SLC66A1: variants seen among roughly 807,000 people sequenced by gnomAD.
SLC66A1 encodes solute carrier family 66 member 1.
In SLC66A1, 23 loss-of-function variants were observed where a neutral mutation model predicts 33.0. The ratio of observed to expected loss-of-function variants is 0.70; its 90% CI spans 0.50 to 0.99. The LOEUF (loss-of-function observed/expected upper bound fraction) is 0.99, where lower values mean the gene tolerates loss of function less well. Among genes scored for constraint, SLC66A1 ranks in the 50% least tolerant of loss-of-function variants. The pLI is 0.00. For missense variants in SLC66A1, 335 were observed against 383.6 expected (o/e 0.87, Z 1.06); for synonymous variants, 164 against 175.5 (o/e 0.93, Z 0.52).
chr1:19,313,357 C>G (rs2093787749), intron 1 of SLC66A1, among the ~76,000 whole-genome samples: 1 of 152,178 alleles, frequency 6.6e-6, no homozygotes, highest in Non-Finnish European at 1.5e-5. Flanking sequence ...TTCACTCTGT[C>G]CTTCTCTCTA....
At position 19,325,643 on chromosome 1, in the gene SLC66A1, G is replaced by A. The variant is rs1000265913; in HGVS notation, c.382+61G>A. On this transcript the variant is annotated intron_variant, in intron 4 of 7. Coordinates refer to ENST00000375153, the MANE Select transcript of SLC66A1 (RefSeq NM_001040125.2). ...CCAGCAGCAGGGGGCAGTTGTGGGG[G>A]GGGGCGCCTGGAGTGTGGGAGGAAG... The A allele has an allele frequency of 5.5e-5, 71 of 1,296,226 alleles. 1 individual carries two copies. The highest frequency in any genetic ancestry group is 7.3e-5 in the Non-Finnish European group (67 of 915,374). The allele number at this position is 1,296,226 out of a possible 1,614,324, so 80.3% of individuals were successfully genotyped here. A position where few individuals can be genotyped will look rare whatever the true frequency, so the allele number is the denominator to read the frequency against.
chr1:19,313,115 T>C, intron 1 of SLC66A1: 1 of 804,688 alleles, frequency 1.2e-6, no homozygotes, highest in Non-Finnish European at 1.5e-6. Flanking sequence ...CATTTAACTC[T>C]GCAGTCAGCC....
chr1:19,326,594 C>A lies in SLC66A1; in HGVS notation c.589C>A (p.Leu197Ile). The A allele has an allele frequency of 2.5e-6, 4 of 1,614,240 alleles. No homozygotes were observed. The South Asian group carries it at 4.4e-5, about 18-fold the overall frequency. ...CTCCATCTCCAGCGTGTTGTACCTG[C>A]TTTCCCGGCTGCCTCAGATCCGCAC... ...IGSISSVLYL[L>I]SRLPQIRTNF... is the part of the protein sequence containing the mutation. The change falls in exon 6 of 8, where the codon CTT becomes ATT. Residue 197 changes from leucine to isoleucine, a missense_variant. By Grantham distance (5) the Leu-to-Ile change is conservative. Coordinates refer to ENST00000375153, the MANE Select transcript of SLC66A1 (RefSeq NM_001040125.2).
Position 19,312,444 on chromosome 1 carries a change from C to T in SLC66A1, c.-524C>T, listed in dbSNP as rs1011296895. On this transcript the variant is annotated 5_prime_UTR_variant, in exon 1 of 8. Coordinates refer to ENST00000375153, the MANE Select transcript of SLC66A1 (RefSeq NM_001040125.2). The stretch of plus-strand genomic sequence containing the variant: ...CCCTGCCACATCCTTCCAGCCCTCT[C>T]CTCCGGCCGCTGGACTGTCCCGGCT... The T allele has an allele frequency of 4.4e-5, 8 of 182,658 alleles. No individual in the cohort carries two copies. Among genetic ancestry groups the T allele is most frequent in the Non-Finnish European group, 6.8e-5 (6 of 88,296 alleles). 11.3% of individuals were successfully genotyped at this position (182,658 alleles called of 1,614,324 possible).
Position 19,326,230 on chromosome 1 carries a change from CT to C in SLC66A1, c.383-14del. 1 of 1,592,700 alleles carries C rather than the reference CT, an allele frequency of 6.3e-7. No individual in the cohort carries two copies. The highest frequency in any genetic ancestry group is 1.7e-5 in the Admixed American group (1 of 59,406). ...TCAGCCATCTAACCTCAGCTTCCCCCTGCCTTGTGTGCAGTGTCTGCCCCCA... is the reference window on the plus strand; with the variant it reads ...TCAGCCATCTAACCTCAGCTTCCCCCGCCTTGTGTGCAGTGTCTGCCCCCA... On this transcript the variant is annotated splice_polypyrimidine_tract_variant and intron_variant, in intron 4 of 7. Coordinates refer to ENST00000375153, the MANE Select transcript of SLC66A1 (RefSeq NM_001040125.2).
Position 19,325,482 on chromosome 1 carries a change from G to A in SLC66A1, c.295-13G>A, listed in dbSNP as rs1168353004. On this transcript the variant is annotated splice_polypyrimidine_tract_variant and intron_variant, in intron 3 of 7. Coordinates refer to ENST00000375153, the MANE Select transcript of SLC66A1 (RefSeq NM_001040125.2). ...GACTGCGCCAACCCCTGGGCCCCCT[G>A]CATCTCTTACAGACCTACACGGCTG... 1.3e-6 allele frequency: 2 copies of A among 1,582,664 alleles called. No individual in the cohort carries two copies. Among genetic ancestry groups the A allele is most frequent in the Non-Finnish European group, 1.7e-6 (2 of 1,152,058 alleles).
chr1:19,331,804 C>A (rs1158584679), downstream of SLC66A1, among the ~76,000 whole-genome samples: 1 of 152,180 alleles, frequency 6.6e-6, no homozygotes, highest in Non-Finnish European at 1.5e-5. Flanking sequence ...GAACTGGGGC[C>A]GGGTGGGGAA....
chr1:19,325,639 G>GT (rs1553263044), intron 4 of SLC66A1, 57 bp downstream of exon 4: 70 of 1,087,584 alleles, frequency 6.4e-5, no homozygotes, highest in Admixed American at 1.0e-4. Context: ...GGGCAGTTGT[G>GT]GGGGGGGGCG....
At chr1:19,319,634 G>T in intron 2 of SLC66A1, among the ~76,000 whole-genome samples, 1 of 117,084 alleles carries the variant, frequency 8.5e-6, no homozygotes. Context: ...CTGGTGCAGT[G>T]GCTCACACCT....
chr1:19,322,925 A>G (rs888110976), intron 2 of SLC66A1, among the ~76,000 whole-genome samples: 1 of 151,642 alleles, frequency 6.6e-6, no homozygotes, highest in Non-Finnish European at 1.5e-5. Flanking sequence ...TGTGTCATCC[A>G]GTCTGAAGTG....
rs1450937537 is a variant in SLC66A1 at position 19,317,632 on chromosome 1, C to A, written c.-46C>A. ...GCTGGCCTCAGAACACCAGCGCCCT[C>A]CCTCCGGTGCAGCCCTGCCTGGCCG... On this transcript the variant is annotated 5_prime_UTR_variant, in exon 2 of 8. Coordinates refer to ENST00000375153, the MANE Select transcript of SLC66A1 (RefSeq NM_001040125.2). The A allele has an allele frequency of 3.7e-6, 6 of 1,602,400 alleles. No individual in the cohort carries two copies. Among genetic ancestry groups the A allele is most frequent in the Non-Finnish European group, 5.1e-6 (6 of 1,173,856 alleles).
Position 19,328,503 on chromosome 1 carries a change from G to T in SLC66A1, c.805-69G>T. 1.4e-6 allele frequency: 2 copies of T among 1,460,648 alleles called. No individual in the cohort carries two copies. Among genetic ancestry groups the T allele is most frequent in the Non-Finnish European group, 1.9e-6 (2 of 1,062,966 alleles). The allele number at this position is 1,460,648 out of a possible 1,614,324, so 90.5% of individuals were successfully genotyped here. On this transcript the variant is annotated intron_variant, in intron 7 of 7. Transcript: ENST00000375153. This position sits in a 1 kb window ranked among gnomAD's most constrained non-coding sequence, Gnocchi z 4.7. ...GGGGAGAGGGAGGCAGCTCCCAGGAGTCGAAGGCCCCCAGGGGCAGGTCCA... is the reference window on the plus strand; with the variant it reads ...GGGGAGAGGGAGGCAGCTCCCAGGATTCGAAGGCCCCCAGGGGCAGGTCCA...
chr1:19,329,036 C>A lies in SLC66A1; in HGVS notation c.*393C>A, dbSNP rs114366974. The stretch of plus-strand genomic sequence containing the variant: ...CTTTGGGAGGCCGAAGCGGGTGGAC[C>A]ACTTGACGTCCGTAGTTCGAGACCA... On this transcript the variant is annotated 3_prime_UTR_variant, in exon 8 of 8. Transcript: ENST00000375153. 2,630 of 221,588 alleles carry A rather than the reference C, an allele frequency of 0.012. 20 individuals carry two copies. The highest frequency in any genetic ancestry group is 0.018 in the Non-Finnish European group (1,983 of 111,206). The allele number at this position is 221,588 out of a possible 1,614,324, so 13.7% of individuals were successfully genotyped here. A position where few individuals can be genotyped will look rare whatever the true frequency, so the allele number is the denominator to read the frequency against.
intron 2 of SLC66A1, 145 bp from the exon 3 acceptor site, chr1:19,324,488 C>T (rs41264065): frequency 0.24 from 234,710 of 966,862 alleles, 31,445 homozygotes; most frequent in South Asian, 0.31. Context: ...GGATCCCGCC[C>T]GTGGGGAGGA....
rs563635269 is a variant in SLC66A1, at chr1:19,320,893, A to G, written c.164+3052A>G. ...ACACTCAGCTAATTTTTGTATTTTT[A>G]GTAGAGACAGGGTTACACCATGTTG... On this transcript the variant is annotated intron_variant, in intron 2 of 7. Transcript: ENST00000375153. Among the ~76,000 whole-genome samples, 51 of 149,094 alleles carry G rather than the reference A, an allele frequency of 3.4e-4. 5 individuals carry two copies. The highest frequency in any genetic ancestry group is 1.2e-3 in the African/African-American group (45 of 38,964).
chr1:19,319,672 G>A (rs968730150), intron 2 of SLC66A1, among the ~76,000 whole-genome samples: 5 of 147,596 alleles, frequency 3.4e-5, no homozygotes, highest in African/African-American at 1.3e-4. Context: ...GGAGGCTAAG[G>A]CGGGCAGATC....
intron 3 of SLC66A1, among the ~76,000 whole-genome samples, chr1:19,324,967 A>G (rs1238063656): frequency 6.6e-6 from 1 of 152,194 alleles, no homozygotes; most frequent in African/African-American, 2.4e-5. Context: ...CAGTTTCCCC[A>G]TCTGCAATAT....
chr1:19,326,474 G>A, intron 5 of SLC66A1, 57 bp from the exon 6 acceptor site: 5 of 1,613,518 alleles, frequency 3.1e-6, no homozygotes, highest in African/African-American at 1.3e-5. Flanking sequence ...TGCTAAATGG[G>A]GTGGGGGATC....
rs568088097 is a variant in SLC66A1 at position 19,324,185 on chromosome 1, C to T, written c.165-448C>T. 2.6e-5 allele frequency among the ~76,000 whole-genome samples: 4 copies of T among 152,374 alleles called. No homozygotes were observed. In the South Asian group the frequency reaches 6.2e-4, roughly 24 times the overall value. On this transcript the variant is annotated intron_variant, in intron 2 of 7. Coordinates refer to ENST00000375153, the MANE Select transcript of SLC66A1 (RefSeq NM_001040125.2). ...GCTACAGCTGCTCCTGGAGACCCGGCGTGCCCAGGCCTTCGGCCCGCACGT... is the reference window on the plus strand; with the variant it reads ...GCTACAGCTGCTCCTGGAGACCCGGTGTGCCCAGGCCTTCGGCCCGCACGT...
Sources: gnomAD v4.1 joint callset for allele counts (sites outside exome capture counted in the v4.1 genomes callset) on GRCh38, gnomAD v4.1.1 for gene constraint, Gnocchi (gnomAD v3.1) non-coding constraint, MANE v1.5 for transcripts, NCBI Gene and HGNC (gene_info 2026-07-23, HGNC 2026-07-21) for gene names.